The following NHS variants were observed in gnomAD, a reference collection of about 807,000 sequenced individuals.
NHS encodes NHS actin remodeling regulator.
In NHS, 5 loss-of-function variants were observed where a neutral mutation model predicts 72.5. The ratio of observed to expected loss-of-function variants is 0.07; its 90% CI spans 0.04 to 0.14. The LOEUF is 0.14. Ranked by LOEUF, NHS falls within the 10% of genes least tolerant of loss-of-function variation. NHS has a pLI of 1.00. For synonymous variants in NHS, 464 were observed against 547.7 expected, an observed-to-expected ratio of 0.85 and a Z score of 2.13; for missense variants, 1,072 against 1,355.7, an observed-to-expected ratio of 0.79 and a Z score of 3.29.
chrX:17,402,611 G>GA (rs2064507804), intron 1 of NHS, among the ~76,000 whole-genome samples: 1 of 111,966 alleles, frequency 8.9e-6, no homozygotes, highest in Admixed American at 9.5e-5. Flanking sequence ...TTTATAGACA[G>GA]AGAGTAGATT....
intron 1 of NHS, among the ~76,000 whole-genome samples, chrX:17,663,457 G>C (rs1255473622): frequency 1.8e-5 from 2 of 111,885 alleles, no homozygotes; most frequent in East Asian, 5.6e-4. Flanking sequence ...ACCTGTTCAA[G>C]AGCTTATATA....
At chrX:17,430,307 CTTT>C (rs1160440034) in intron 1 of NHS, among the ~76,000 whole-genome samples, 4 of 66,992 alleles carry the variant, frequency 6.0e-5, no homozygotes, top group African/African-American at 1.2e-4. Context: ...TTCTTTCTTT[CTTT>C]CTTTCCTTTC....
chrX:17,429,847 G>A (rs1477264644), intron 1 of NHS, among the ~76,000 whole-genome samples: 1 of 111,466 alleles, frequency 9.0e-6, no homozygotes, highest in Non-Finnish European at 1.9e-5. Flanking sequence ...TGGTGAGAAT[G>A]TTCTCTAGGT....
chrX:17,375,730 C>T lies in NHS; in HGVS notation c.-28C>T, dbSNP rs1336719911. The T allele has an allele frequency of 2.6e-6, 3 of 1,152,664 alleles. No homozygotes were observed. The highest frequency in any genetic ancestry group is 3.8e-5 in the South Asian group (2 of 52,499). 95.0% of individuals were successfully genotyped at this position (1,152,664 alleles called of 1,213,427 possible). On this transcript the variant is annotated 5_prime_UTR_variant, in exon 1 of 9. Coordinates refer to ENST00000676302, the MANE Select transcript of NHS (RefSeq NM_001291867.2). ...AGCTCACAGGGGCGCTTGGAGGAGA[C>T]CAGAAAGTCGCCGCCTGGCTGCGCG...
chrX:17,607,898 C>T (rs2065689086), intron 1 of NHS, among the ~76,000 whole-genome samples: 1 of 106,244 alleles, frequency 9.4e-6, no homozygotes, highest in Non-Finnish European at 1.9e-5. Flanking sequence ...GGTTTCGTTT[C>T]TTCTCTTTTT....
intron 8 of NHS, among the ~76,000 whole-genome samples, chrX:17,730,045 G>A (rs760570321): frequency 8.9e-6 from 1 of 112,113 alleles, no homozygotes; most frequent in African/African-American, 3.2e-5. Context: ...ACCTTAGCAG[G>A]CATACTTCTC....
At chrX:17,667,158 C>T (rs1390312889) in intron 1 of NHS, among the ~76,000 whole-genome samples, 1 of 112,750 alleles carries the variant, frequency 8.9e-6, no homozygotes, top group Non-Finnish European at 1.9e-5. Flanking sequence ...GACTCTCTGG[C>T]CTGCCTTTCA....
In NHS at chrX:17,727,652, G is replaced by A. The variant is rs1269825437; in HGVS notation, c.3546G>A (p.Pro1182=). Residue 1182 remains proline, a synonymous_variant, in exon 7 of 9, where the codon CCG becomes CCA. Coordinates refer to ENST00000676302, the MANE Select transcript of NHS (RefSeq NM_001291867.2). ...CCTTGTCTCCAAGTAAGATTAGGCC[G>A]CATACAGCAAATAAATCAGTATCTC... ...TAALSPSKIR[P]HTANKSVSRQ... The A allele has an allele frequency of 4.1e-6, 5 of 1,209,673 alleles. No individual in the cohort carries two copies. Among genetic ancestry groups the A allele is most frequent in the East Asian group, 5.9e-5 (2 of 33,781 alleles).
intron 1 of NHS, among the ~76,000 whole-genome samples, chrX:17,672,747 A>G (rs777157016): frequency 8.9e-6 from 1 of 112,709 alleles, no homozygotes; most frequent in Non-Finnish European, 1.9e-5. Context: ...CAGAGTGCTT[A>G]TCACTACCAA....
chrX:17,560,806 G>A (rs2065408471), intron 1 of NHS, among the ~76,000 whole-genome samples: 1 of 112,398 alleles, frequency 8.9e-6, no homozygotes, highest in Non-Finnish European at 1.9e-5. Flanking sequence ...AGACATTCAA[G>A]TTTAAGTTGT....
intron 1 of NHS, among the ~76,000 whole-genome samples, chrX:17,551,890 G>A (rs761831705): frequency 1.7e-4 from 19 of 111,892 alleles, no homozygotes; most frequent in African/African-American, 2.9e-4. Context: ...CCAAACAGCC[G>A]CCAGCACAGA....
intron 1 of NHS, among the ~76,000 whole-genome samples, chrX:17,461,261 G>A (rs1447049292): frequency 1.8e-5 from 2 of 112,084 alleles, no homozygotes; most frequent in Non-Finnish European, 3.8e-5. Flanking sequence ...AAGAGCCAAG[G>A]AAAGCTTTTC....
At chrX:17,702,602 G>A (rs1298575054) in intron 3 of NHS, among the ~76,000 whole-genome samples, 1 of 111,137 alleles carries the variant, frequency 9.0e-6, no homozygotes, top group Non-Finnish European at 1.9e-5. Flanking sequence ...CAGGAGAATC[G>A]CTGGAACCTG....
At chrX:17,541,197 C>T (rs888243171) in intron 1 of NHS, among the ~76,000 whole-genome samples, 4 of 112,644 alleles carry the variant, frequency 3.6e-5, no homozygotes, top group Middle Eastern at 4.6e-3. Context: ...TCTCATTTCA[C>T]AGATGAGGAA....
At chrX:17,501,775 G>T (rs183317480) in intron 1 of NHS, among the ~76,000 whole-genome samples, 1 of 112,405 alleles carries the variant, frequency 8.9e-6, no homozygotes, top group Non-Finnish European at 1.9e-5. Flanking sequence ...GTAACAACAA[G>T]TCTTGAATGT....
chrX:17,582,453 T>C (rs2065548734), intron 1 of NHS, among the ~76,000 whole-genome samples: 1 of 112,230 alleles, frequency 8.9e-6, no homozygotes, highest in African/African-American at 3.2e-5. Flanking sequence ...TTCAACTCCA[T>C]CCATACCTAG....
intron 1 of NHS, among the ~76,000 whole-genome samples, chrX:17,398,168 G>T (rs1403084313): frequency 8.9e-6 from 1 of 111,850 alleles, no homozygotes; most frequent in Non-Finnish European, 1.9e-5. Flanking sequence ...GAAGGTGGGA[G>T]TAGGAGAGAG....
intron 1 of NHS, among the ~76,000 whole-genome samples, chrX:17,472,400 A>G (rs1364875020): frequency 9.0e-6 from 1 of 111,181 alleles, no homozygotes; most frequent in East Asian, 2.8e-4. Flanking sequence ...ATGAAAAAGC[A>G]TATCTGTAGT....
chrX:17,406,649 C>T (rs1321373690), intron 1 of NHS, among the ~76,000 whole-genome samples: 2 of 111,789 alleles, frequency 1.8e-5, no homozygotes, highest in African/African-American at 3.3e-5. Context: ...CAAAACACCA[C>T]GGAGCTAGGA....
Sources: allele counts gnomAD v4.1 joint callset (sites outside exome capture counted in the v4.1 genomes callset), GRCh38; gene constraint gnomAD v4.1.1; transcripts MANE v1.5; gene names NCBI Gene and HGNC (gene_info 2026-07-23, HGNC 2026-07-21).